Variants in WHRN observed in about 807,000 individuals in gnomAD.
WHRN encodes the protein whirlin.
WHRN carries 41 observed loss-of-function variants against 68.3 expected under a neutral mutation model. The ratio of observed to expected loss-of-function variants is 0.60; its 90% CI spans 0.47 to 0.78. WHRN has a LOEUF of 0.78. Among genes scored for constraint, WHRN ranks in the 30% least tolerant of loss-of-function variants. The pLI, the probability that WHRN is intolerant of heterozygous loss-of-function variation, is 0.00. For missense variants in WHRN, 1,243 were observed against 1,244.7 expected, an observed-to-expected ratio of 1.00 and a Z score of 0.02; for synonymous variants, 560 against 561.3, an observed-to-expected ratio of 1.00 and a Z score of 0.03.
intron 3 of WHRN, among the ~76,000 whole-genome samples, chr9:114,440,802 C>T (rs1460340069): frequency 1.3e-5 from 2 of 152,180 alleles, no homozygotes; most frequent in Non-Finnish European, 2.9e-5. Context: ...CAGTCTGTCT[C>T]TACAGTAAAT....
In WHRN at chr9:114,504,397, T is replaced by C; in HGVS notation, c.405A>G (p.Pro135=). The C allele has an allele frequency of 6.2e-7, 1 of 1,602,620 alleles. No homozygotes were observed. Among genetic ancestry groups the C allele is most frequent in the Non-Finnish European group, 8.5e-7 (1 of 1,177,962 alleles). Residue 135 remains proline (P), a synonymous_variant, in exon 1 of 12, where the codon CCA becomes CCG. Transcript: ENST00000362057. ...GCAAACTCACCAGGCGCACCTCCCC[T>C]GGCCCCGCGCTGTCGGGGCCGCCCC... ...PAWGGPDSAG[P]GEVRLVSLRR...
intron 7 of WHRN, among the ~76,000 whole-genome samples, chr9:114,410,014 A>T (rs1315288127): frequency 1.3e-5 from 2 of 151,728 alleles, no homozygotes; most frequent in Admixed American, 6.6e-5. Context: ...CTTTCCTGCT[A>T]CTCCAACATC....
chr9:114,409,543 A>G, intron 7 of WHRN, among the ~76,000 whole-genome samples: 1 of 152,204 alleles, frequency 6.6e-6, no homozygotes, highest in South Asian at 2.1e-4. Flanking sequence ...GAAGTCAAGC[A>G]TGGAGCTCTT....
At chr9:114,446,400 A>C (rs560071351) in intron 3 of WHRN, among the ~76,000 whole-genome samples, 4 of 152,248 alleles carry the variant, frequency 2.6e-5, no homozygotes, top group African/African-American at 9.6e-5. Flanking sequence ...AGGGGTGATA[A>C]AAATGTTCTG....
intron 7 of WHRN, among the ~76,000 whole-genome samples, chr9:114,413,615 G>A (rs950146544): frequency 2.6e-5 from 4 of 152,178 alleles, no homozygotes; most frequent in African/African-American, 9.7e-5. Flanking sequence ...CAAAGGGAAA[G>A]GTCAGAGGTG....
chr9:114,477,939 C>T (rs913531781), intron 2 of WHRN, among the ~76,000 whole-genome samples: 8 of 152,128 alleles, frequency 5.3e-5, no homozygotes, highest in African/African-American at 1.7e-4. Flanking sequence ...GCCTCTCTTT[C>T]CCTTTCCTGG....
intron 1 of WHRN, among the ~76,000 whole-genome samples, chr9:114,488,326 C>T (rs1348516093): frequency 6.6e-6 from 1 of 152,172 alleles, no homozygotes; most frequent in Non-Finnish European, 1.5e-5. Flanking sequence ...GCATTAGTAA[C>T]AGCAAAATTA....
intron 2 of WHRN, among the ~76,000 whole-genome samples, chr9:114,470,642 G>A (rs2133032102): frequency 6.6e-6 from 1 of 152,278 alleles, no homozygotes; most frequent in South Asian, 2.1e-4. Flanking sequence ...ACAGAACAGA[G>A]AGGCTGGCTG....
chr9:114,453,376 T>G (rs1839503629), intron 3 of WHRN, among the ~76,000 whole-genome samples: 1 of 152,176 alleles, frequency 6.6e-6, no homozygotes, highest in Admixed American at 6.6e-5. Context: ...CACCTCCCAG[T>G]AGGCCCCCTC....
chr9:114,494,288 C>T (rs886576202), intron 1 of WHRN, among the ~76,000 whole-genome samples: 1 of 152,214 alleles, frequency 6.6e-6, no homozygotes, highest in African/African-American at 2.4e-5. Flanking sequence ...GAAAACAGAT[C>T]CCAACACAGG....
At chr9:114,459,369 C>T (rs1840061854) in intron 3 of WHRN, among the ~76,000 whole-genome samples, 1 of 151,896 alleles carries the variant, frequency 6.6e-6, no homozygotes, top group Non-Finnish European at 1.5e-5. Flanking sequence ...GAGGCTGAAG[C>T]AGGAGAATTG....
At chr9:114,471,458 C>T (rs1365422170) in intron 2 of WHRN, among the ~76,000 whole-genome samples, 1 of 152,188 alleles carries the variant, frequency 6.6e-6, no homozygotes, top group African/African-American at 2.4e-5. Flanking sequence ...AACCAATGCA[C>T]CACACTGCCT....
intron 3 of WHRN, among the ~76,000 whole-genome samples, chr9:114,456,947 G>A (rs1400618439): frequency 2.6e-5 from 4 of 152,044 alleles, no homozygotes; most frequent in African/African-American, 9.7e-5. Flanking sequence ...CTATAAGTAA[G>A]GAAAGGGGAA....
intron 1 of WHRN, 102 bp from the exon 2 acceptor site, chr9:114,478,873 A>G (rs2133136377): frequency 1.8e-6 from 2 of 1,128,774 alleles, no homozygotes; most frequent in African/African-American, 3.1e-5. Flanking sequence ...GGAGCCCCAC[A>G]TGGAAGAAGA....
intron 2 of WHRN, among the ~76,000 whole-genome samples, chr9:114,476,932 A>G (rs1003080196): frequency 1.3e-5 from 2 of 152,174 alleles, no homozygotes; most frequent in Non-Finnish European, 2.9e-5. Context: ...AGGGACTGAG[A>G]AAAAGATAAA....
intron 3 of WHRN, among the ~76,000 whole-genome samples, chr9:114,447,863 C>T (rs1838973865): frequency 6.6e-6 from 1 of 152,184 alleles, no homozygotes; most frequent in African/African-American, 2.4e-5. Flanking sequence ...CAGGCACTCT[C>T]TTATAGCTGC....
chr9:114,484,864 A>G (rs1167926605), intron 1 of WHRN, among the ~76,000 whole-genome samples: 1 of 152,214 alleles, frequency 6.6e-6, no homozygotes, highest in Non-Finnish European at 1.5e-5. Context: ...CTGAAACCCC[A>G]AAATCATAGA....
At chr9:114,485,550 G>A (rs775415969) in intron 1 of WHRN, among the ~76,000 whole-genome samples, 40 of 152,024 alleles carry the variant, frequency 2.6e-4, no homozygotes, top group Admixed American at 6.6e-5. Context: ...AAATTAGCCA[G>A]GCATGGTGGC....
rs533269906 is a variant in WHRN at position 114,436,778 on chromosome 9, G to A, written c.964-10365C>T. On this transcript the variant is annotated intron_variant, in intron 3 of 11. Coordinates refer to ENST00000362057, the MANE Select transcript of WHRN (RefSeq NM_015404.4). Reference sequence around the variant, plus strand: ...TGGGAGGCAGAGGCTGTAGTGAGCCGAGATTGCGCCACTGCACTCCAGCCT... The same window carrying A: ...TGGGAGGCAGAGGCTGTAGTGAGCCAAGATTGCGCCACTGCACTCCAGCCT... 2.2e-4 allele frequency among the ~76,000 whole-genome samples: 33 copies of A among 152,102 alleles called. No individual in the cohort carries two copies. In the South Asian group the frequency reaches 6.2e-3, roughly 29 times the overall value.
Sources: gnomAD v4.1 joint callset for allele counts (sites outside exome capture counted in the v4.1 genomes callset) on GRCh38, gnomAD v4.1.1 for gene constraint, MANE v1.5 for transcripts, NCBI Gene and HGNC (gene_info 2026-07-23, HGNC 2026-07-21) for gene names.